Variants in KRT72 observed in about 807,000 individuals in gnomAD.
KRT72 encodes keratin, type II cytoskeletal 72.
A neutral mutation model predicts 44.7 loss-of-function variants in KRT72; 44 were observed. The observed-to-expected ratio is 0.98, with a 90% confidence interval of 0.77 to 1.27. The LOEUF is 1.27. KRT72 is among the 50% of genes most tolerant of loss of function. The pLI is 0.00. For synonymous variants in KRT72, 302 were observed against 280.4 expected (o/e 1.08, Z -0.77); for missense variants, 736 against 667.1 (o/e 1.10, Z -1.14).
rs192048378 is a variant in KRT72 at position 52,590,556 on chromosome 12, C to T, written c.1089+280G>A. Reference sequence around the variant, plus strand: ...TCACTACCTAGGCCCATTGCTCCTGCGGGCTCCTTCACCTGCTCCTTCCCC... The same window carrying T: ...TCACTACCTAGGCCCATTGCTCCTGTGGGCTCCTTCACCTGCTCCTTCCCC... On this transcript the variant is annotated intron_variant, in intron 6 of 8. Coordinates refer to ENST00000293745, the MANE Select transcript of KRT72 (RefSeq NM_080747.3). 1.6e-3 allele frequency among the ~76,000 whole-genome samples: 250 copies of T among 152,308 alleles called. 1 individual carries two copies. Among genetic ancestry groups the T allele is most frequent in the Admixed American group, 5.6e-3 (86 of 15,308 alleles).
upstream of KRT72, chr12:52,601,625 ATT>A: frequency 1.6e-6 from 1 of 641,210 alleles, no homozygotes; most frequent in Non-Finnish European, 2.6e-6. Context: ...CATGTAGGAA[ATT>A]ACCATGCACT....
chr12:52,587,083 C>T (rs1018660110), intron 7 of KRT72, 103 bp from the exon 8 acceptor site: 15 of 1,061,604 alleles, frequency 1.4e-5, no homozygotes, highest in Non-Finnish European at 1.9e-5. Context: ...AATGTGCCTT[C>T]CCAAACCCAT....
rs1939835932 is a variant in KRT72 at position 52,587,783 on chromosome 12, C to T, written c.1158G>A (p.Arg386=). ...QRGDCALKDA[R]AKLDELEGAL... is the part of the protein sequence containing the mutation. Reference sequence around the variant, plus strand: ...CGCCCTCCAGCTCATCCAGCTTGGCCCGGGCATCTTTCAGGGCGCAGTCCC... The same window carrying T: ...CGCCCTCCAGCTCATCCAGCTTGGCTCGGGCATCTTTCAGGGCGCAGTCCC... Residue 386 remains arginine (R), a synonymous_variant, in exon 7 of 9, where the codon CGG becomes CGA. Transcript: ENST00000293745. 1 of 1,614,094 alleles carries T rather than the reference C, an allele frequency of 6.2e-7. No individual in the cohort carries two copies. The highest frequency in any genetic ancestry group is 1.3e-5 in the African/African-American group (1 of 74,944).
At chr12:52,597,881 G>A (rs1940273869) in intron 2 of KRT72, among the ~76,000 whole-genome samples, 1 of 152,158 alleles carries the variant, frequency 6.6e-6, no homozygotes, top group South Asian at 2.1e-4. Context: ...ATCTGTGGTT[G>A]CTCAACTAGT....
intron 1 of KRT72, among the ~76,000 whole-genome samples, chr12:52,600,771 T>C (rs889844878): frequency 6.6e-6 from 1 of 151,974 alleles, no homozygotes; most frequent in Non-Finnish European, 1.5e-5. Context: ...ATCAGCAGCA[T>C]GAAAATGGGC....
rs1296255031 is a variant in KRT72, at chr12:52,585,724, A to G, written c.*258T>C. On this transcript the variant is annotated 3_prime_UTR_variant, in exon 9 of 9. Transcript: ENST00000293745. ...GGCTTGTAGCTGGCCTTGGGGAAACATCCTGGGTAAGTGTTGTCTTTGCAT... is the reference window on the plus strand; with the variant it reads ...GGCTTGTAGCTGGCCTTGGGGAAACGTCCTGGGTAAGTGTTGTCTTTGCAT... 2 of 438,010 alleles carry G rather than the reference A, an allele frequency of 4.6e-6. No individual in the cohort carries two copies. Among genetic ancestry groups the G allele is most frequent in the East Asian group, 4.0e-5 (1 of 25,126 alleles). The allele number at this position is 438,010 out of a possible 1,614,324, so 27.1% of individuals were successfully genotyped here.
intron 2 of KRT72, among the ~76,000 whole-genome samples, chr12:52,594,361 A>G (rs530639528): frequency 2.0e-5 from 3 of 152,352 alleles, no homozygotes; most frequent in South Asian, 4.1e-4. Context: ...AATCAACCCA[A>G]ATGTCCATCA....
chr12:52,597,459 C>T (rs1028584135), intron 2 of KRT72, among the ~76,000 whole-genome samples: 1 of 152,120 alleles, frequency 6.6e-6, no homozygotes, highest in Non-Finnish European at 1.5e-5. Flanking sequence ...GTGATAAAAT[C>T]AGTTTTAAAA....
chr12:52,599,511 A>C, intron 1 of KRT72: 1 of 454,684 alleles, frequency 2.2e-6, no homozygotes, highest in Non-Finnish European at 4.4e-6. Context: ...TGTAGCCTAA[A>C]TTGCACTTGG....
intron 7 of KRT72, 61 bp from the exon 8 acceptor site, chr12:52,587,041 A>G (rs767669266): frequency 1.2e-4 from 180 of 1,519,306 alleles, no homozygotes; most frequent in Non-Finnish European, 1.6e-4. Context: ...ACCACCTGGA[A>G]GTCACCTCTG....
rs1432640039 is a variant in KRT72, at chr12:52,601,338, T to C, written c.115A>G (p.Lys39Glu). 7 of 1,545,366 alleles carry C rather than the reference T, an allele frequency of 4.5e-6. No individual in the cohort carries two copies. The highest frequency in any genetic ancestry group is 6.1e-6 in the Non-Finnish European group (7 of 1,146,850). The change falls in exon 1 of 9, where the codon AAG becomes GAG. Residue 39 changes from lysine to glutamate, a missense_variant. By Grantham distance (56) the Lys-to-Glu change is moderately conservative. Coordinates refer to ENST00000293745, the MANE Select transcript of KRT72 (RefSeq NM_080747.3). ...SSSASFRARV[K>E]GSASFGSKSL... is the part of the protein sequence containing the mutation. ...TTGCTGCCAAAGGAGGCCGAGCCCT[T>C]GACCCGGGCCCGGAATGAGGCGGAG...
intron 2 of KRT72, among the ~76,000 whole-genome samples, chr12:52,598,008 C>T (rs1226071386): frequency 6.6e-6 from 1 of 152,204 alleles, no homozygotes; most frequent in African/African-American, 2.4e-5. Context: ...CTGTTCTTTC[C>T]AGACCCTGCT....
chr12:52,593,901 A>G (rs1940142715), intron 2 of KRT72, among the ~76,000 whole-genome samples: 1 of 152,192 alleles, frequency 6.6e-6, no homozygotes, highest in Non-Finnish European at 1.5e-5. Flanking sequence ...AATTAGTGTT[A>G]AGTGGGTATA....
chr12:52,599,538 T>C (rs1239062886), intron 1 of KRT72: 1 of 445,334 alleles, frequency 2.2e-6, no homozygotes, highest in African/African-American at 2.0e-5. Context: ...CATTTCTTTG[T>C]TGTTCACAGC....
rs769743175 is a variant in KRT72 at position 52,590,952 on chromosome 12, G to A, written c.973C>T (p.Leu325=). 5 of 1,593,944 alleles carry A rather than the reference G, an allele frequency of 3.1e-6. No individual in the cohort carries two copies. Among genetic ancestry groups the A allele is most frequent in the South Asian group, 1.1e-5 (1 of 88,142 alleles). The part of the protein sequence containing the change: ...ETLYQTKIQE[L]QVTAGQHGDD... The stretch of plus-strand genomic sequence containing the variant: ...CCATGCTGGCCTGCTGTGACCTGCA[G>A]CTCCTGGATCTGAGGTTGGGTGACA... The change falls in exon 6 of 9, where the codon CTG becomes TTG. Residue 325 remains leucine (L), a synonymous_variant. Coordinates refer to ENST00000293745, the MANE Select transcript of KRT72 (RefSeq NM_080747.3).
At chr12:52,589,016 ATT>A (rs932509249) in intron 6 of KRT72, among the ~76,000 whole-genome samples, 12 of 125,030 alleles carry the variant, frequency 9.6e-5, no homozygotes, top group Non-Finnish European at 1.7e-4. Context: ...ATATATATAT[ATT>A]AATTAATTAA....
chr12:52,587,382 A>G (rs1287568990), intron 7 of KRT72, among the ~76,000 whole-genome samples: 3 of 152,116 alleles, frequency 2.0e-5, no homozygotes, highest in Non-Finnish European at 4.4e-5. Context: ...AAAATGCACC[A>G]TGAACGGTCG....
Position 52,592,441 on chromosome 12 carries a change from G to A in KRT72, c.753C>T (p.Asp251=). ...MNKVELQAKV[D]SLTDEIKFFK... Reference sequence around the variant, plus strand: ...AGAATTTAATCTCATCTGTCAAGGAGTCCACCTTGGCCTGGAGCTCAACCT... The same window carrying A: ...AGAATTTAATCTCATCTGTCAAGGAATCCACCTTGGCCTGGAGCTCAACCT... The change falls in exon 4 of 9, where the codon GAC becomes GAT. Residue 251 remains aspartate (D), a synonymous_variant. Transcript: ENST00000293745. 6.2e-7 allele frequency: 1 copy of A among 1,614,134 alleles called. No individual in the cohort carries two copies. The highest frequency in any genetic ancestry group is 1.3e-5 in the African/African-American group (1 of 75,056).
intron 3 of KRT72, 88 bp from the exon 4 acceptor site, chr12:52,592,579 C>G: frequency 1.0e-6 from 1 of 977,458 alleles, no homozygotes; most frequent in African/African-American, 1.6e-5. Context: ...GCTCTTTCCT[C>G]TCCCTTCACC....
Sources: gnomAD v4.1 joint callset for allele counts (sites outside exome capture counted in the v4.1 genomes callset) on GRCh38, gnomAD v4.1.1 for gene constraint, MANE v1.5 for transcripts, NCBI Gene and HGNC (gene_info 2026-07-23, HGNC 2026-07-21) for gene names.